The following DPYD variants were observed in gnomAD, a reference collection of about 807,000 sequenced individuals.
DPYD encodes dihydropyrimidine dehydrogenase [NADP(+)].
A neutral mutation model predicts 116.2 loss-of-function variants in DPYD; 109 were observed. The ratio of observed to expected loss-of-function variants is 0.94; its 90% CI spans 0.80 to 1.10. The LOEUF (loss-of-function observed/expected upper bound fraction) is 1.10. Ranked by LOEUF, DPYD falls within the 50% of genes least tolerant of loss-of-function variation. The pLI is 0.00. For synonymous variants in DPYD, 440 were observed against 432.0 expected, an observed-to-expected ratio of 1.02 and a Z score of -0.23; for missense variants, 1,302 against 1,254.5, an observed-to-expected ratio of 1.04 and a Z score of -0.57.
Position 97,780,185 on chromosome 1 carries a change from C to T in DPYD, c.234-39706G>A, listed in dbSNP as rs1999571. On this transcript the variant is annotated intron_variant, in intron 3 of 22. Coordinates refer to ENST00000370192, the MANE Select transcript of DPYD (RefSeq NM_000110.4). ...TTTGTAATCACCTTTGTGTTCTTTT[C>T]GAATTAAGCAGAATTACTAACAAAA... is the stretch of plus-strand genomic sequence containing the variant. Among the ~76,000 whole-genome samples, 1,058 of 152,162 alleles carry T rather than the reference C, an allele frequency of 7.0e-3. 24 individuals carry two copies. The highest frequency in any genetic ancestry group is 0.05 in the Admixed American group (757 of 15,276).
At chr1:97,172,075 A>G (rs1444072496) in intron 20 of DPYD, among the ~76,000 whole-genome samples, 1 of 152,244 alleles carries the variant, frequency 6.6e-6, no homozygotes, top group Non-Finnish European at 1.5e-5. Context: ...ACCATGATAC[A>G]AACAGTTAAG....
chr1:97,768,778 A>C (rs1666000573), intron 3 of DPYD, among the ~76,000 whole-genome samples: 1 of 152,150 alleles, frequency 6.6e-6, no homozygotes, highest in Non-Finnish European at 1.5e-5. Flanking sequence ...GAAAAAACCC[A>C]CATTAGTCTA....
chr1:97,690,433 T>C (rs985837121), intron 7 of DPYD, among the ~76,000 whole-genome samples: 1 of 151,900 alleles, frequency 6.6e-6, no homozygotes, highest in African/African-American at 2.4e-5. Context: ...ATTTCTTTTT[T>C]CATTTTTTAT....
At chr1:97,799,452 C>T (rs1667744737) in intron 3 of DPYD, among the ~76,000 whole-genome samples, 1 of 151,636 alleles carries the variant, frequency 6.6e-6, no homozygotes, top group African/African-American at 2.4e-5. Context: ...CATGAATAAG[C>T]TTTCATCCTG....
At chr1:97,699,217 A>C in intron 6 of DPYD, 134 bp downstream of exon 6, 1 of 986,018 alleles carries the variant, frequency 1.0e-6, no homozygotes, top group Non-Finnish European at 1.5e-6. Flanking sequence ...CAAAACTTGA[A>C]CATTTGGAAA....
At chr1:97,241,620 G>C (rs1013476431) in intron 18 of DPYD, among the ~76,000 whole-genome samples, 4 of 151,904 alleles carry the variant, frequency 2.6e-5, no homozygotes. Context: ...TATCAGTACA[G>C]ACTGATGCTA....
intron 1 of DPYD, among the ~76,000 whole-genome samples, chr1:97,913,443 A>G (rs1437904465): frequency 6.6e-6 from 1 of 152,144 alleles, no homozygotes; most frequent in East Asian, 1.9e-4. Context: ...CTCACTGAAG[A>G]TCAGAAAACT....
intron 1 of DPYD, chr1:97,883,922 T>C: frequency 4.5e-6 from 2 of 444,252 alleles, no homozygotes; most frequent in South Asian, 1.7e-5. Context: ...ATCCTATATT[T>C]GGTTTTCCAA....
intron 4 of DPYD, among the ~76,000 whole-genome samples, chr1:97,735,722 ATAAAT>A (rs1663903485): frequency 1.3e-5 from 2 of 149,862 alleles, no homozygotes; most frequent in Non-Finnish European, 3.0e-5. Flanking sequence ...AAATAAATAA[ATAAAT>A]AAAACAATAA....
chr1:97,369,767 C>T (rs1671222997), intron 16 of DPYD, among the ~76,000 whole-genome samples: 1 of 152,182 alleles, frequency 6.6e-6, no homozygotes, highest in African/African-American at 2.4e-5. Context: ...AGCGCAGCCT[C>T]CAGTATAAAA....
At chr1:97,823,179 G>A (rs1175943251) in intron 3 of DPYD, among the ~76,000 whole-genome samples, 1 of 151,746 alleles carries the variant, frequency 6.6e-6, no homozygotes, top group African/African-American at 2.4e-5. Context: ...TTTTGAGACG[G>A]AGTCTCACTC....
At chr1:97,618,593 G>A (rs145915225) in intron 8 of DPYD, among the ~76,000 whole-genome samples, 31 of 152,174 alleles carry the variant, frequency 2.0e-4, no homozygotes, top group African/African-American at 5.8e-4. Flanking sequence ...AATACAGTGT[G>A]TGGGCTTATC....
At chr1:97,387,257 T>C (rs867110644) in intron 14 of DPYD, among the ~76,000 whole-genome samples, 3 of 152,076 alleles carry the variant, frequency 2.0e-5, no homozygotes, top group East Asian at 1.9e-4. Flanking sequence ...TGTCACCTAA[T>C]TGATTAATAA....
chr1:97,756,624 T>C (rs1253288303), intron 3 of DPYD, among the ~76,000 whole-genome samples: 1 of 152,166 alleles, frequency 6.6e-6, no homozygotes, highest in African/African-American at 2.4e-5. Context: ...CTTGGTATTT[T>C]TTTAAGGTGA....
chr1:97,422,641 G>C (rs951064181), intron 14 of DPYD, among the ~76,000 whole-genome samples: 1 of 152,100 alleles, frequency 6.6e-6, no homozygotes, highest in Non-Finnish European at 1.5e-5. Context: ...ACATGACAGG[G>C]TGGTGGATTC....
At chr1:97,158,187 C>CT (rs201329050) in intron 20 of DPYD, among the ~76,000 whole-genome samples, 2 of 151,990 alleles carry the variant, frequency 1.3e-5, no homozygotes, top group East Asian at 3.9e-4. Context: ...TTCCCCAGGG[C>CT]TTTTTGTGCT....
rs545608418 is a variant in DPYD at position 97,258,552 on chromosome 1, A to G, written c.2300-23558T>C. ...TCATATTTCCTCCTCCCTGATGTCT[A>G]TTTCCCAAGATCAACTCCCAAATAG... is the stretch of plus-strand genomic sequence containing the variant. On this transcript the variant is annotated intron_variant, in intron 18 of 22. Transcript: ENST00000370192. 3.1e-4 allele frequency among the ~76,000 whole-genome samples: 47 copies of G among 152,024 alleles called. No individual in the cohort carries two copies. The South Asian group carries it at 9.5e-3, about 31-fold the overall frequency.
intron 3 of DPYD, among the ~76,000 whole-genome samples, chr1:97,825,580 T>A (rs1174317864): frequency 1.6e-5 from 2 of 127,038 alleles, no homozygotes; most frequent in Non-Finnish European, 3.1e-5. Context: ...ATGAGAACAC[T>A]TGGACACAGG....
intron 13 of DPYD, among the ~76,000 whole-genome samples, chr1:97,482,543 A>G (rs905281537): frequency 6.6e-6 from 1 of 152,242 alleles, no homozygotes; most frequent in South Asian, 2.1e-4. Context: ...ATTCAGGTAC[A>G]CATGGCTAAA....
Sources: allele counts gnomAD v4.1 joint callset (sites outside exome capture counted in the v4.1 genomes callset), GRCh38; gene constraint gnomAD v4.1.1; transcripts MANE v1.5; gene names NCBI Gene and HGNC (gene_info 2026-07-23, HGNC 2026-07-21).